Variants in HEXD observed in about 807,000 individuals in gnomAD.
HEXD encodes the protein hexosaminidase D, also known as N-acetyl-beta-galactosaminidase.
In HEXD, 47 loss-of-function variants were observed where a neutral mutation model predicts 54.2. The observed-to-expected ratio is 0.87, with a 90% CI of 0.69 to 1.11. The LOEUF (loss-of-function observed/expected upper bound fraction) is 1.11, where lower values mean the gene tolerates loss of function less well. Ranked by LOEUF, HEXD falls within the 50% of genes least tolerant of loss-of-function variation. HEXD has a pLI of 0.00. For synonymous variants in HEXD, 293 were observed against 287.6 expected (o/e 1.02, Z -0.19); for missense variants, 576 against 649.2 (o/e 0.89, Z 1.23).
chr17:82,429,040 A>C (rs2053501481), intron 4 of HEXD, among the ~76,000 whole-genome samples: 1 of 152,124 alleles, frequency 6.6e-6, no homozygotes. Context: ...CTGGTGGATC[A>C]CCTGAGGTCA....
rs541628750 is a variant in HEXD at position 82,434,123 on chromosome 17, G to A, written c.447+301G>A. On this transcript the variant is annotated intron_variant, in intron 5 of 12. Transcript: ENST00000327949. This position sits in a 1 kb window ranked among gnomAD's most constrained non-coding sequence, Gnocchi z 4.5. ...CCCTCGTGTCAGACGAGACCACCCCGGGCGGCTGGGCTGGCGGAAGCCTGT... is the reference window on the plus strand; with the variant it reads ...CCCTCGTGTCAGACGAGACCACCCCAGGCGGCTGGGCTGGCGGAAGCCTGT... 1.4e-4 allele frequency among the ~76,000 whole-genome samples: 21 copies of A among 152,218 alleles called. No individual in the cohort carries two copies. The highest frequency in any genetic ancestry group is 2.8e-4 in the Non-Finnish European group (19 of 68,036).
intron 11 of HEXD, among the ~76,000 whole-genome samples, 188 bp downstream of exon 11, chr17:82,441,454 T>G (rs2053962172): frequency 3.6e-5 from 3 of 82,758 alleles, no homozygotes; most frequent in African/African-American, 9.9e-5. Context: ...AACAGGCAGG[T>G]GTGAGCGTGC....
chr17:82,440,426 C>CTG (rs1479183274), intron 9 of HEXD: 1 of 734,278 alleles, frequency 1.4e-6, no homozygotes, highest in East Asian at 6.7e-5. Context: ...ACAGACACCC[C>CTG]TGTACCCCAC....
intron 1 of HEXD, among the ~76,000 whole-genome samples, 189 bp downstream of exon 1, chr17:82,418,929 G>T (rs1180267140): frequency 2.6e-5 from 4 of 152,208 alleles, no homozygotes; most frequent in Admixed American, 1.3e-4. Flanking sequence ...GGTGTAAATT[G>T]TGTGTAACTG....
At chr17:82,430,209 C>T (rs948583436) in intron 4 of HEXD, among the ~76,000 whole-genome samples, 2 of 152,198 alleles carry the variant, frequency 1.3e-5, no homozygotes, top group African/African-American at 4.8e-5. Flanking sequence ...CACTCACACT[C>T]GCCATCTCCT....
In HEXD at chr17:82,442,256, G is replaced by A; in HGVS notation, c.1333G>A (p.Glu445Lys). Reference protein sequence around the residue: ...QLAFYPDAVEEWLEENVHPSL... With the variant: ...QLAFYPDAVEKWLEENVHPSL... ...GGCTTTCTACCCGGATGCCGTGGAG[G>A]AGTGGCTGGAGGAAAACGTGCACCC... Residue 445 changes from glutamate (E) to lysine (K), a missense_variant, in exon 13 of 13, where the codon GAG (glutamate) becomes AAG (lysine). By Grantham distance (56) the Glu-to-Lys change is moderately conservative. Transcript: ENST00000327949. The surrounding 1 kb of genome is among the most constrained non-coding windows in gnomAD (Gnocchi z 6.8). 1 of 1,606,632 alleles carries A rather than the reference G, an allele frequency of 6.2e-7. No homozygotes were observed.
chr17:82,433,729 C>A lies in HEXD; in HGVS notation c.354C>A (p.His118Gln). ...CCTTCCCCTGCACCCTGAACCCCCA[C>A]GAGGCAGAGTCCCTGGCGCTGGTGG... Reference protein sequence around the residue: ...VGSFPCTLNPHEAESLALVGA... With the variant: ...VGSFPCTLNPQEAESLALVGA... The change falls in exon 5 of 13, where the codon CAC becomes CAA. Residue 118 changes from histidine (H) to glutamine (Q), a missense_variant. Physicochemically the swap from His to Gln is conservative, Grantham distance 24. Coordinates refer to ENST00000327949, the MANE Select transcript of HEXD (RefSeq NM_001330542.2). 1 of 1,613,280 alleles carries A rather than the reference C, an allele frequency of 6.2e-7. No individual in the cohort carries two copies. The highest frequency in any genetic ancestry group is 8.5e-7 in the Non-Finnish European group (1 of 1,179,864).
At chr17:82,423,081 G>A (rs899543229) in intron 2 of HEXD, among the ~76,000 whole-genome samples, 8 of 151,980 alleles carry the variant, frequency 5.3e-5, no homozygotes, top group South Asian at 2.1e-4. Context: ...AAGGAAAGGC[G>A]TTCTGACAAT....
chr17:82,430,039 T>A (rs1253650977), intron 4 of HEXD, among the ~76,000 whole-genome samples: 1 of 152,126 alleles, frequency 6.6e-6, no homozygotes, highest in East Asian at 1.9e-4. Flanking sequence ...CCCATGTTGG[T>A]CCTGCTGCTG....
chr17:82,419,423 C>T (rs997292471), intron 1 of HEXD, among the ~76,000 whole-genome samples: 5 of 152,210 alleles, frequency 3.3e-5, no homozygotes, highest in Admixed American at 1.3e-4. Context: ...GGCTTCTGCC[C>T]GACTGTTTTC....
chr17:82,419,900 AC>A lies in HEXD; in HGVS notation c.84+19del. ...CTCTCAGAGGTAAGGACTCCCTTTT[AC>A]CTCTAGAGCATTACTTTTTGCCTTG... On this transcript the variant is annotated intron_variant, in intron 2 of 12. Transcript: ENST00000327949. The A allele has an allele frequency of 6.6e-7, 1 of 1,523,588 alleles. No individual in the cohort carries two copies. Among genetic ancestry groups the A allele is most frequent in the Non-Finnish European group, 9.1e-7 (1 of 1,099,590 alleles). The allele number at this position is 1,523,588 out of a possible 1,614,324, so 94.4% of individuals were successfully genotyped here.
At chr17:82,424,670 A>G (rs2053344859) in intron 3 of HEXD, among the ~76,000 whole-genome samples, 167 bp downstream of exon 3, 1 of 152,264 alleles carries the variant, frequency 6.6e-6, no homozygotes, top group African/African-American at 2.4e-5. Context: ...CTTTAATTGT[A>G]TGAAAACAAA....
At chr17:82,429,318 G>A (rs1396014138) in intron 4 of HEXD, among the ~76,000 whole-genome samples, 4 of 152,136 alleles carry the variant, frequency 2.6e-5, no homozygotes, top group South Asian at 2.1e-4. Context: ...GAAGTGATGC[G>A]GCATTAACCA....
At chr17:82,421,592 A>G (rs1309265676) in intron 2 of HEXD, among the ~76,000 whole-genome samples, 1 of 151,180 alleles carries the variant, frequency 6.6e-6, no homozygotes, top group African/African-American at 2.4e-5. Context: ...TTGGGAGGCC[A>G]AGACGGACAG....
intron 4 of HEXD, among the ~76,000 whole-genome samples, chr17:82,430,964 T>C (rs1435304675): frequency 6.6e-6 from 1 of 152,094 alleles, no homozygotes; most frequent in African/African-American, 2.4e-5. Flanking sequence ...CATTTTTAGT[T>C]TGGTATTTTT....
chr17:82,432,288 G>T (rs2143522836), intron 4 of HEXD, among the ~76,000 whole-genome samples: 1 of 152,240 alleles, frequency 6.6e-6, no homozygotes, highest in East Asian at 1.9e-4. Context: ...CTGGCTTTCT[G>T]TTTCCAGGGT....
At chr17:82,432,450 C>T (rs2053600562) in intron 4 of HEXD, among the ~76,000 whole-genome samples, 1 of 152,142 alleles carries the variant, frequency 6.6e-6, no homozygotes, top group South Asian at 2.1e-4. Context: ...GTTAAGTCTG[C>T]CCCTTTGGCA....
At chr17:82,437,060 G>A in intron 7 of HEXD, 108 bp from the exon 8 acceptor site, 1 of 987,232 alleles carries the variant, frequency 1.0e-6, no homozygotes, top group Non-Finnish European at 1.5e-6. Context: ...GGGCCTGGCT[G>A]TCTCAGGCGG....
intron 9 of HEXD, 183 bp downstream of exon 9, chr17:82,439,896 T>C (rs1327629584): frequency 3.3e-6 from 5 of 1,528,938 alleles, no homozygotes; most frequent in Non-Finnish European, 4.4e-6. Context: ...AGGCTGGGCC[T>C]GTGTCTGGGT....
Sources: allele counts gnomAD v4.1 joint callset (sites outside exome capture counted in the v4.1 genomes callset), GRCh38; gene constraint gnomAD v4.1.1; non-coding constraint Gnocchi (gnomAD v3.1); transcripts MANE v1.5; gene names NCBI Gene and HGNC (gene_info 2026-07-23, HGNC 2026-07-21).